Variants in UNC5C observed in about 807,000 individuals in gnomAD.
UNC5C encodes the protein unc-5 netrin receptor C.
Under a neutral mutation model 99.8 loss-of-function variants are expected in UNC5C, and 47 were observed. That is an observed-to-expected ratio of 0.47 (90% CI 0.37 to 0.60). UNC5C has a LOEUF of 0.60. Ranked by LOEUF, UNC5C falls within the 20% of genes least tolerant of loss-of-function variation. The pLI, the probability that UNC5C is intolerant of heterozygous loss-of-function variation, is 0.00. For missense variants in UNC5C, 1,062 were observed against 1,165.9 expected, an observed-to-expected ratio of 0.91 and a Z score of 1.30; for synonymous variants, 487 against 452.2, an observed-to-expected ratio of 1.08 and a Z score of -0.98.
intron 4 of UNC5C, among the ~76,000 whole-genome samples, chr4:95,265,306 G>T (rs766858195): frequency 2.0e-5 from 3 of 151,958 alleles, no homozygotes; most frequent in Non-Finnish European, 4.4e-5. Context: ...AACATAATAA[G>T]TGCTGAATAT....
At chr4:95,324,925 A>T (rs1163875537) in intron 2 of UNC5C, among the ~76,000 whole-genome samples, 1 of 152,184 alleles carries the variant, frequency 6.6e-6, no homozygotes, top group East Asian at 1.9e-4. Context: ...CAGCAGCCCA[A>T]ATGGATTAAG....
At chr4:95,254,907 A>G (rs1739897986) in intron 4 of UNC5C, among the ~76,000 whole-genome samples, 1 of 152,092 alleles carries the variant, frequency 6.6e-6, no homozygotes, top group Admixed American at 6.6e-5. Context: ...TGATTCTTGC[A>G]TTATACTGTC....
At chr4:95,520,987 T>A (rs993263792) in intron 1 of UNC5C, among the ~76,000 whole-genome samples, 2 of 152,002 alleles carry the variant, frequency 1.3e-5, no homozygotes, top group Non-Finnish European at 2.9e-5. Flanking sequence ...TTAGTACCCC[T>A]CCAAGAAACA....
At chr4:95,393,565 A>G (rs1407704747) in intron 1 of UNC5C, among the ~76,000 whole-genome samples, 5 of 152,206 alleles carry the variant, frequency 3.3e-5, no homozygotes. Context: ...TCCACTGAAT[A>G]CCATTGACAT....
intron 7 of UNC5C, among the ~76,000 whole-genome samples, chr4:95,224,154 G>C (rs565512203): frequency 6.6e-6 from 1 of 152,280 alleles, no homozygotes; most frequent in South Asian, 2.1e-4. Flanking sequence ...ATGGTGGCGC[G>C]TGCCTGTGAT....
chr4:95,532,106 C>A (rs576301306), intron 1 of UNC5C, among the ~76,000 whole-genome samples: 14 of 152,314 alleles, frequency 9.2e-5, no homozygotes, highest in African/African-American at 3.4e-4. Flanking sequence ...GCTTACACAT[C>A]AATTGTCTGG....
At chr4:95,256,510 C>T (rs749320296) in intron 4 of UNC5C, among the ~76,000 whole-genome samples, 3 of 152,046 alleles carry the variant, frequency 2.0e-5, no homozygotes, top group Middle Eastern at 3.4e-3. Context: ...TCACTCCCAC[C>T]TCTTCCTGGT....
intron 1 of UNC5C, among the ~76,000 whole-genome samples, chr4:95,451,865 A>G (rs1025134775): frequency 2.0e-5 from 3 of 152,204 alleles, no homozygotes; most frequent in African/African-American, 7.2e-5. Context: ...ATCTTATACT[A>G]TATGTCTTAA....
chr4:95,382,231 G>A (rs781334933), intron 1 of UNC5C, among the ~76,000 whole-genome samples: 2 of 152,056 alleles, frequency 1.3e-5, no homozygotes, highest in Non-Finnish European at 2.9e-5. Flanking sequence ...CCAACATTTT[G>A]GGAGGCCAAG....
chr4:95,420,918 G>T (rs1423606067), intron 1 of UNC5C, among the ~76,000 whole-genome samples: 1 of 152,186 alleles, frequency 6.6e-6, no homozygotes, highest in Non-Finnish European at 1.5e-5. Flanking sequence ...TTAAGATTAT[G>T]AAGCCTAAAA....
intron 1 of UNC5C, among the ~76,000 whole-genome samples, chr4:95,449,823 T>C (rs962536364): frequency 2.0e-5 from 3 of 152,232 alleles, no homozygotes; most frequent in African/African-American, 7.2e-5. Context: ...ATTTAAGTTT[T>C]AGTCTTACAT....
chr4:95,251,875 T>C (rs1191429639), intron 4 of UNC5C, among the ~76,000 whole-genome samples: 1 of 152,130 alleles, frequency 6.6e-6, no homozygotes, highest in African/African-American at 2.4e-5. Flanking sequence ...CCAACATTTA[T>C]AGAGAAAAAT....
chr4:95,421,370 T>A (rs1746313560), intron 1 of UNC5C, among the ~76,000 whole-genome samples: 1 of 152,178 alleles, frequency 6.6e-6, no homozygotes, highest in South Asian at 2.1e-4. Context: ...TTGCCACCCT[T>A]CATTTCTAGG....
At chr4:95,511,157 G>T (rs910388550) in intron 1 of UNC5C, among the ~76,000 whole-genome samples, 1 of 152,128 alleles carries the variant, frequency 6.6e-6, no homozygotes, top group Non-Finnish European at 1.5e-5. Context: ...AAGGCAGATA[G>T]TGCCACTGCT....
Position 95,445,034 on chromosome 4 carries a change from G to A in UNC5C, c.124+103700C>T, listed in dbSNP as rs370160673. Among the ~76,000 whole-genome samples the A allele has an allele frequency of 1.6e-4, 25 of 152,262 alleles. 1 individual carries two copies. In the East Asian group the frequency reaches 2.3e-3, roughly 14 times the overall value. On this transcript the variant is annotated intron_variant, in intron 1 of 15. Coordinates refer to ENST00000453304, the MANE Select transcript of UNC5C (RefSeq NM_003728.4). ...GCAGAGTCTTGAGTGCGTCATTTCA[G>A]AAGGGAAGGAGAGCGCGAATCCAAT...
chr4:95,218,927 GT>G, intron 9 of UNC5C, 41 bp downstream of exon 9: 1 of 1,525,024 alleles, frequency 6.6e-7, no homozygotes. Flanking sequence ...GGAAAAATAT[GT>G]TTCAAGCTGC....
chr4:95,435,846 C>G (rs532758742), intron 1 of UNC5C, among the ~76,000 whole-genome samples: 1 of 152,024 alleles, frequency 6.6e-6, no homozygotes, highest in Non-Finnish European at 1.5e-5. Flanking sequence ...AATATTCCAT[C>G]AGTTTTATTA....
chr4:95,534,394 G>A (rs753101496), intron 1 of UNC5C, among the ~76,000 whole-genome samples: 3 of 152,028 alleles, frequency 2.0e-5, no homozygotes, highest in South Asian at 2.1e-4. Context: ...AATTTTTTAC[G>A]TTTTGTCTTG....
At chr4:95,221,169 C>G (rs984711269) in intron 7 of UNC5C, among the ~76,000 whole-genome samples, 1 of 152,136 alleles carries the variant, frequency 6.6e-6, no homozygotes, top group Non-Finnish European at 1.5e-5. Flanking sequence ...TTTGTGGACC[C>G]CTTTGACATT....
Sources: gnomAD v4.1 joint callset for allele counts (sites outside exome capture counted in the v4.1 genomes callset) on GRCh38, gnomAD v4.1.1 for gene constraint, MANE v1.5 for transcripts, NCBI Gene and HGNC (gene_info 2026-07-23, HGNC 2026-07-21) for gene names.